Variants in NBEA observed in about 807,000 individuals in gnomAD.
NBEA encodes neurobeachin.
NBEA carries 44 observed loss-of-function variants against 343.4 expected under a neutral mutation model. That is an observed-to-expected ratio of 0.13 (90% CI 0.10 to 0.16). The LOEUF (loss-of-function observed/expected upper bound fraction) is 0.16. Among genes scored for constraint, NBEA ranks in the 10% least tolerant of loss-of-function variants. The probability of loss-of-function intolerance (pLI) is 1.00; values close to 1 mark genes in which losing one functional copy is unlikely to be tolerated. For missense variants in NBEA, 2,555 were observed against 3,631.3 expected, an observed-to-expected ratio of 0.70 and a Z score of 7.62; for synonymous variants, 1,175 against 1,238.7, an observed-to-expected ratio of 0.95 and a Z score of 1.08.
intron 47 of NBEA, 27 bp from the exon 48 acceptor site, chr13:35,606,399 A>G: frequency 1.5e-6 from 2 of 1,360,896 alleles, no homozygotes; most frequent in Non-Finnish European, 1.9e-6. Flanking sequence ...AAAGTGGTTT[A>G]ATATGCTTCA....
intron 1 of NBEA, among the ~76,000 whole-genome samples, chr13:34,964,057 A>G (rs980331174): frequency 2.0e-5 from 3 of 152,042 alleles, no homozygotes; most frequent in Non-Finnish European, 4.4e-5. Flanking sequence ...TAATTGTTAA[A>G]TTAAGCTTCA....
At chr13:35,572,609 A>AAGTGGAAT (rs1460778802) in intron 45 of NBEA, among the ~76,000 whole-genome samples, 1 of 152,208 alleles carries the variant, frequency 6.6e-6, no homozygotes, top group Non-Finnish European at 1.5e-5. Context: ...AATACTCTTC[A>AAGTGGAAT]ACCATCCACC....
chr13:35,195,020 A>G (rs1363327133), intron 30 of NBEA, among the ~76,000 whole-genome samples: 2 of 152,116 alleles, frequency 1.3e-5, no homozygotes, highest in East Asian at 1.9e-4. Flanking sequence ...TAATCATTTG[A>G]CTTGCTTTGC....
chr13:35,361,487 T>C (rs1477552849), intron 38 of NBEA, among the ~76,000 whole-genome samples: 1 of 152,076 alleles, frequency 6.6e-6, no homozygotes, highest in Non-Finnish European at 1.5e-5. Context: ...TGAACATCCA[T>C]GTGCAAAAAT....
intron 41 of NBEA, among the ~76,000 whole-genome samples, chr13:35,480,756 AT>A (rs1273739956): frequency 6.6e-6 from 1 of 151,990 alleles, no homozygotes; most frequent in African/African-American, 2.4e-5. Context: ...CACTAGAGAA[AT>A]TAAAGACAGA....
At chr13:35,587,516 A>G (rs904328093) in intron 46 of NBEA, among the ~76,000 whole-genome samples, 7 of 152,178 alleles carry the variant, frequency 4.6e-5, no homozygotes, top group Non-Finnish European at 1.5e-5. Context: ...GGGGATGAGG[A>G]AAAAGGTCAG....
At chr13:35,440,950 T>A (rs1176994474) in intron 39 of NBEA, among the ~76,000 whole-genome samples, 1 of 152,232 alleles carries the variant, frequency 6.6e-6, no homozygotes, top group African/African-American at 2.4e-5. Context: ...TCAGAACAGA[T>A]GAACTTAGTA....
chr13:35,419,784 G>C (rs1566104663), intron 38 of NBEA, among the ~76,000 whole-genome samples: 2 of 151,924 alleles, frequency 1.3e-5, no homozygotes, highest in East Asian at 3.9e-4. Flanking sequence ...CTCTGAGATA[G>C]ATATCAGAAG....
At chr13:35,166,405 G>A (rs2070036266) in intron 24 of NBEA, among the ~76,000 whole-genome samples, 1 of 152,040 alleles carries the variant, frequency 6.6e-6, no homozygotes, top group Admixed American at 6.6e-5. Context: ...GACGCTTTGA[G>A]GTTGGCTTCC....
intron 8 of NBEA, among the ~76,000 whole-genome samples, chr13:35,065,489 G>T (rs1301929399): frequency 6.6e-6 from 1 of 151,682 alleles, no homozygotes; most frequent in Non-Finnish European, 1.5e-5. Context: ...TATGTAGTTT[G>T]CATCTTTTCA....
intron 34 of NBEA, among the ~76,000 whole-genome samples, chr13:35,267,431 G>A (rs181182866): frequency 7.2e-5 from 11 of 151,810 alleles, no homozygotes; most frequent in African/African-American, 2.7e-4. Context: ...AAAGCATTAG[G>A]GCATTGGATT....
chr13:35,227,962 CT>C (rs775038719), intron 33 of NBEA, among the ~76,000 whole-genome samples: 115 of 142,904 alleles, frequency 8.0e-4, no homozygotes, highest in East Asian at 1.2e-3. Context: ...GAAAAATCTT[CT>C]TTTTTTTTTT....
intron 33 of NBEA, among the ~76,000 whole-genome samples, chr13:35,216,431 G>C (rs956588034): frequency 4.6e-5 from 7 of 151,896 alleles, no homozygotes; most frequent in Admixed American, 1.3e-4. Context: ...ATGGCCTAAA[G>C]CTTAAAATAT....
At chr13:35,207,562 A>G (rs988368369) in intron 31 of NBEA, among the ~76,000 whole-genome samples, 27 of 152,284 alleles carry the variant, frequency 1.8e-4, no homozygotes, top group Middle Eastern at 6.8e-3. Context: ...GATATTTATT[A>G]AGTTAGAGAA....
intron 48 of NBEA, among the ~76,000 whole-genome samples, chr13:35,616,010 C>T (rs2082723875): frequency 6.6e-6 from 1 of 152,146 alleles, no homozygotes; most frequent in South Asian, 2.1e-4. Flanking sequence ...GAAGTGTGTC[C>T]TCCTTCAATT....
intron 1 of NBEA, among the ~76,000 whole-genome samples, chr13:34,949,897 G>T (rs1291553826): frequency 6.6e-6 from 1 of 152,004 alleles, no homozygotes; most frequent in Non-Finnish European, 1.5e-5. Flanking sequence ...TTTCTATTGT[G>T]TCTAAGATAG....
intron 35 of NBEA, among the ~76,000 whole-genome samples, chr13:35,298,627 T>G (rs2036322798): frequency 6.6e-6 from 1 of 151,968 alleles, no homozygotes. Flanking sequence ...CTAGACTTTT[T>G]TATTACAAAC....
intron 45 of NBEA, among the ~76,000 whole-genome samples, chr13:35,574,704 A>T (rs990961894): frequency 1.4e-4 from 21 of 152,124 alleles, no homozygotes; most frequent in Middle Eastern, 3.4e-3. Context: ...TGAGCAACAT[A>T]GCCAAACCCT....
chr13:35,282,694 C>G (rs555309078), intron 34 of NBEA, among the ~76,000 whole-genome samples: 1 of 152,144 alleles, frequency 6.6e-6, no homozygotes, highest in Non-Finnish European at 1.5e-5. Flanking sequence ...ATCTGAGTTA[C>G]TACTGTGAAT....
Sources: allele counts gnomAD v4.1 joint callset (sites outside exome capture counted in the v4.1 genomes callset), GRCh38; gene constraint gnomAD v4.1.1; transcripts MANE v1.5; gene names NCBI Gene and HGNC (gene_info 2026-07-23, HGNC 2026-07-21).